The following SATB2 variants were observed in gnomAD, a reference collection of about 807,000 sequenced individuals.
SATB2 encodes DNA-binding protein SATB2.
Under a neutral mutation model 73.4 loss-of-function variants are expected in SATB2, and 1 was observed. The ratio of observed to expected loss-of-function variants is 0.01; its 90% CI spans 0.00 to 0.06. The LOEUF is 0.06. SATB2 is among the 10% of genes least tolerant of loss of function. The pLI, the probability that SATB2 is intolerant of heterozygous loss-of-function variation, is 1.00. For synonymous variants in SATB2, 397 were observed against 367.0 expected (o/e 1.08, Z -0.93); for missense variants, 459 against 945.8 (o/e 0.49, Z 6.75).
chr2:199,344,815 A>G (rs2105817423), intron 7 of SATB2, among the ~76,000 whole-genome samples: 1 of 152,204 alleles, frequency 6.6e-6, no homozygotes, highest in East Asian at 1.9e-4. Context: ...CAAATTTTGG[A>G]AAGTGTCATG....
chr2:199,343,411 T>C (rs1688563088), intron 7 of SATB2, among the ~76,000 whole-genome samples: 1 of 152,220 alleles, frequency 6.6e-6, no homozygotes, highest in African/African-American at 2.4e-5. Context: ...GGCAAGTCAT[T>C]ATATCATCCA....
intron 2 of SATB2, among the ~76,000 whole-genome samples, chr2:199,451,091 A>AACACACACACACACACAC (rs56071011): frequency 1.4e-5 from 2 of 139,222 alleles, no homozygotes; most frequent in African/African-American, 2.7e-5. Flanking sequence ...ATGTAGTTCC[A>AACACACACACACACACAC]ACACACACAC....
At chr2:199,317,166 T>C (rs544654838) in intron 9 of SATB2, among the ~76,000 whole-genome samples, 2 of 152,140 alleles carry the variant, frequency 1.3e-5, no homozygotes, top group South Asian at 2.1e-4. Flanking sequence ...AACAAGCAAC[T>C]AGGGCATGAA....
intron 2 of SATB2, among the ~76,000 whole-genome samples, chr2:199,451,302 T>C (rs796380398): frequency 1.3e-5 from 2 of 152,128 alleles, no homozygotes; most frequent in African/African-American, 4.8e-5. Context: ...TTTAACCAAG[T>C]ATATCTTTAT....
intron 3 of SATB2, among the ~76,000 whole-genome samples, chr2:199,388,287 T>C (rs139186168): frequency 2.6e-5 from 4 of 152,312 alleles, no homozygotes; most frequent in Non-Finnish European, 4.4e-5. Context: ...CCTGTAATTA[T>C]GGAGCTCACA....
chr2:199,374,253 T>A (rs1289187040), intron 5 of SATB2, among the ~76,000 whole-genome samples: 1 of 152,202 alleles, frequency 6.6e-6, no homozygotes, highest in Non-Finnish European at 1.5e-5. Flanking sequence ...GCCAGCACCA[T>A]GGGACAGAGC....
intron 6 of SATB2, among the ~76,000 whole-genome samples, chr2:199,353,799 A>T (rs898779236): frequency 3.3e-5 from 5 of 152,136 alleles, no homozygotes; most frequent in African/African-American, 4.8e-5. Flanking sequence ...ACCTAACAGC[A>T]GTGCCTGGTT....
At position 199,453,938 on chromosome 2, in the gene SATB2, T is replaced by G. The variant is rs74531168; in HGVS notation, c.169+1931A>C. On this transcript the variant is annotated intron_variant, in intron 2 of 10. Coordinates refer to ENST00000417098, the MANE Select transcript of SATB2 (RefSeq NM_001172509.2). ...TATTTTCAATTTGGGAAGCAGCTAA[T>G]AAGACCTCTGCTATTACTAAATTAA... is the stretch of plus-strand genomic sequence containing the variant. Among the ~76,000 whole-genome samples, 628 of 152,168 alleles carry G rather than the reference T, an allele frequency of 4.1e-3. 6 individuals are homozygous for G. Among genetic ancestry groups the G allele is most frequent in the African/African-American group, 0.014 (594 of 41,566 alleles).
chr2:199,378,934 T>A (rs941416023), intron 5 of SATB2, among the ~76,000 whole-genome samples: 2 of 152,148 alleles, frequency 1.3e-5, no homozygotes, highest in African/African-American at 4.8e-5. Flanking sequence ...TCTTACCCAA[T>A]AGCCTTCCTA....
At chr2:199,323,508 C>CACACACACACACACACACATAT (rs372830951) in intron 9 of SATB2, among the ~76,000 whole-genome samples, 3 of 144,248 alleles carry the variant, frequency 2.1e-5, no homozygotes, top group Admixed American at 7.0e-5. Context: ...CACACACACA[C>CACACACACACACACACACATAT]ATATATAAAG....
intron 3 of SATB2, chr2:199,423,614 T>C (rs1403333162): frequency 6.6e-6 from 1 of 152,074 alleles, no homozygotes; most frequent in Admixed American, 6.6e-5. Context: ...TTTAAAGAAG[T>C]CTCTTCACCC....
chr2:199,363,098 C>G (rs895096522), intron 6 of SATB2, among the ~76,000 whole-genome samples: 3 of 152,128 alleles, frequency 2.0e-5, no homozygotes, highest in Admixed American at 1.3e-4. Flanking sequence ...TCTTAAGATC[C>G]ATGCAAGGAA....
rs1484654685 is a variant in SATB2, at chr2:199,270,949, TG to T, written c.*1261del. The T allele has an allele frequency of 6.6e-6, 1 of 152,338 alleles. No homozygotes were observed. The highest frequency in any genetic ancestry group is 1.5e-5 in the Non-Finnish European group (1 of 68,050). The allele number at this position is 152,338 out of a possible 1,614,324, so 9.4% of individuals were successfully genotyped here. On this transcript the variant is annotated 3_prime_UTR_variant, in exon 11 of 11. Coordinates refer to ENST00000417098, the MANE Select transcript of SATB2 (RefSeq NM_001172509.2). ...AATGTTTGATTAGGTAGATGGAATG[TG>T]TACGAAGAAGAGGAAGCCCAAAGTG...
Position 199,271,102 on chromosome 2 carries a change from AC to A in SATB2, c.*1108del. ...ACACTGAACTATTTTCTAGTAAAAA[AC>A]AAAAAGACAAAAAAACAGCAACAAC... On this transcript the variant is annotated 3_prime_UTR_variant, in exon 11 of 11. Coordinates refer to ENST00000417098, the MANE Select transcript of SATB2 (RefSeq NM_001172509.2). 1 of 152,816 alleles carries A rather than the reference AC, an allele frequency of 6.5e-6. No individual in the cohort carries two copies. Among genetic ancestry groups the A allele is most frequent in the Middle Eastern group, 3.4e-3 (1 of 294 alleles). The allele number at this position is 152,816 out of a possible 1,614,324, so 9.5% of individuals were successfully genotyped here.
chr2:199,395,920 T>C (rs2105886499), intron 3 of SATB2: 1 of 152,294 alleles, frequency 6.6e-6, no homozygotes, highest in African/African-American at 2.4e-5. Flanking sequence ...GTATTTTGGG[T>C]GTAGCTACTT....
At chr2:199,418,201 T>C (rs977718680) in intron 3 of SATB2, among the ~76,000 whole-genome samples, 2 of 152,176 alleles carry the variant, frequency 1.3e-5, no homozygotes, top group African/African-American at 4.8e-5. Flanking sequence ...CCTGATTTCA[T>C]AGAAGAGGAA....
intron 9 of SATB2, among the ~76,000 whole-genome samples, chr2:199,315,824 C>G (rs1687718447): frequency 6.6e-6 from 1 of 151,986 alleles, no homozygotes; most frequent in South Asian, 2.1e-4. Flanking sequence ...AGTGATTATT[C>G]CCCTTGATAT....
At position 199,308,264 on chromosome 2, in the gene SATB2, C is replaced by T. The variant is rs746673599; in HGVS notation, c.1740+496G>A. On this transcript the variant is annotated intron_variant, in intron 10 of 10. Transcript: ENST00000417098. The surrounding 1 kb of genome is among the most constrained non-coding windows in gnomAD (Gnocchi z 4.6). ...AAACTCATCTTAAAATTCTAAGAAT[C>T]TGTCACAATCTGTCTCTCAAGGTTC... Among the ~76,000 whole-genome samples the T allele has an allele frequency of 6.6e-6, 1 of 152,156 alleles. No individual in the cohort carries two copies. Among genetic ancestry groups the T allele is most frequent in the East Asian group, 1.9e-4 (1 of 5,192 alleles).
intron 5 of SATB2, among the ~76,000 whole-genome samples, chr2:199,377,594 G>C (rs1689642186): frequency 6.6e-6 from 1 of 152,134 alleles, no homozygotes; most frequent in Non-Finnish European, 1.5e-5. Flanking sequence ...ATGAGTGCAG[G>C]AAGAGGGAAG....
Sources: gnomAD v4.1 joint callset for allele counts (sites outside exome capture counted in the v4.1 genomes callset) on GRCh38, gnomAD v4.1.1 for gene constraint, Gnocchi (gnomAD v3.1) non-coding constraint, MANE v1.5 for transcripts, NCBI Gene and HGNC (gene_info 2026-07-23, HGNC 2026-07-21) for gene names.